The following RBM19 variants were observed in gnomAD, a reference collection of about 807,000 sequenced individuals.
The protein encoded by RBM19 is RNA binding motif protein 19, also known as probable RNA-binding protein 19.
In RBM19, 94 loss-of-function variants were observed where a neutral mutation model predicts 116.8. That is an observed-to-expected ratio of 0.80 (90% confidence interval 0.68 to 0.95). The LOEUF is 0.95. Among genes scored for constraint, RBM19 ranks in the 40% least tolerant of loss-of-function variants. The pLI, the probability that RBM19 is intolerant of heterozygous loss-of-function variation, is 0.00. For synonymous variants in RBM19, 475 were observed against 494.1 expected, an observed-to-expected ratio of 0.96 and a Z score of 0.51; for missense variants, 1,161 against 1,220.7, an observed-to-expected ratio of 0.95 and a Z score of 0.73.
At position 113,834,751 on chromosome 12, in the gene RBM19, A is replaced by G. The variant is rs546457386; in HGVS notation, c.2785+9917T>C. On this transcript the variant is annotated intron_variant, in intron 23 of 23. Transcript: ENST00000261741. ...TGCTGAGGATACAGGGTACGATGGA[A>G]CACCCAGGTATAGACATTAACTACA... Among the ~76,000 whole-genome samples the G allele has an allele frequency of 3.9e-5, 6 of 152,316 alleles. No homozygotes were observed. In the East Asian group the frequency reaches 9.7e-4, roughly 25 times the overall value.
chr12:113,863,070 G>T (rs551394232), intron 21 of RBM19, among the ~76,000 whole-genome samples: 81 of 147,428 alleles, frequency 5.5e-4, no homozygotes, highest in Non-Finnish European at 9.5e-4. Flanking sequence ...TGGGGGGAGA[G>T]AAGGGAGGAG....
chr12:113,856,411 G>A (rs1186512289), intron 22 of RBM19, among the ~76,000 whole-genome samples: 5 of 152,188 alleles, frequency 3.3e-5, no homozygotes, highest in African/African-American at 9.7e-5. Flanking sequence ...CTTAGCCAAC[G>A]GTGACATGTC....
chr12:113,891,530 T>A (rs1880962811), intron 21 of RBM19, among the ~76,000 whole-genome samples: 1 of 152,182 alleles, frequency 6.6e-6, no homozygotes, highest in Admixed American at 6.5e-5. Context: ...AAGGCAGAGC[T>A]GGAATCGTCC....
At chr12:113,879,446 T>TAC (rs1555234782) in intron 21 of RBM19, among the ~76,000 whole-genome samples, 5 of 142,260 alleles carry the variant, frequency 3.5e-5, no homozygotes, top group East Asian at 3.0e-4. Context: ...TATATATATA[T>TAC]ATATGGACTT....
chr12:113,852,206 C>T (rs1877514404), intron 22 of RBM19, among the ~76,000 whole-genome samples: 1 of 152,174 alleles, frequency 6.6e-6, no homozygotes, highest in African/African-American at 2.4e-5. Context: ...CTCTGTAGGA[C>T]TGTGCAGTCC....
intron 6 of RBM19, among the ~76,000 whole-genome samples, chr12:113,957,431 G>C (rs558689402): frequency 1.2e-4 from 19 of 152,144 alleles, no homozygotes; most frequent in Non-Finnish European, 2.2e-4. Flanking sequence ...CAAAAAATTA[G>C]CTGGGTGTGA....
At chr12:113,889,079 G>A (rs774182635) in intron 21 of RBM19, among the ~76,000 whole-genome samples, 19 of 152,096 alleles carry the variant, frequency 1.2e-4, no homozygotes, top group Non-Finnish European at 1.3e-4. Context: ...GGATGCTCCC[G>A]GCTCCTCTGC....
chr12:113,935,862 C>T (rs763561029), intron 16 of RBM19, among the ~76,000 whole-genome samples: 24 of 152,092 alleles, frequency 1.6e-4, no homozygotes, highest in Middle Eastern at 3.4e-3. Flanking sequence ...GGTGAAACCC[C>T]GTCTCTACCA....
chr12:113,836,694 T>C (rs7307193), intron 23 of RBM19, among the ~76,000 whole-genome samples: 139,159 of 151,990 alleles, frequency 0.92, 63,770 homozygotes, highest in East Asian at 0.99. Flanking sequence ...TAAGCTCCTA[T>C]TAGGTGCCAG....
At chr12:113,924,987 A>T (rs186671429) in intron 17 of RBM19, among the ~76,000 whole-genome samples, 24 of 152,288 alleles carry the variant, frequency 1.6e-4, no homozygotes, top group African/African-American at 4.6e-4. Context: ...AGGAAGTAGG[A>T]CACAGAACAG....
chr12:113,867,364 C>T (rs1305176560), intron 21 of RBM19, among the ~76,000 whole-genome samples: 1 of 152,202 alleles, frequency 6.6e-6, no homozygotes, highest in African/African-American at 2.4e-5. Flanking sequence ...CAATCATCAC[C>T]AGGCAAATAT....
intron 2 of RBM19, among the ~76,000 whole-genome samples, chr12:113,960,473 C>A (rs1157930386): frequency 6.6e-6 from 1 of 152,220 alleles, no homozygotes; most frequent in Non-Finnish European, 1.5e-5. Flanking sequence ...TACTGATACA[C>A]CGAGCCTCTC....
At chr12:113,857,860 G>A (rs1335941085) in intron 22 of RBM19, among the ~76,000 whole-genome samples, 1 of 152,228 alleles carries the variant, frequency 6.6e-6, no homozygotes, top group Non-Finnish European at 1.5e-5. Flanking sequence ...AAGCCCAATG[G>A]CTGTGACTCC....
intron 21 of RBM19, among the ~76,000 whole-genome samples, chr12:113,885,064 A>AT (rs754289513): frequency 3.3e-5 from 5 of 152,262 alleles, no homozygotes; most frequent in Non-Finnish European, 7.3e-5. Flanking sequence ...GTGATGCATA[A>AT]TTCAGGTAAG....
chr12:113,934,290 G>A (rs542918323), intron 16 of RBM19, among the ~76,000 whole-genome samples: 2 of 152,346 alleles, frequency 1.3e-5, no homozygotes, highest in South Asian at 4.1e-4. Context: ...ATCCCACCAC[G>A]CCCTCAGAGG....
chr12:113,962,373 G>T lies in RBM19; in HGVS notation c.78C>A (p.Gly26=). Residue 26 remains glycine, a synonymous_variant, in exon 2 of 24, where the codon GGC becomes GGA. Coordinates refer to ENST00000261741, the MANE Select transcript of RBM19 (RefSeq NM_016196.4). ...ACTTCAGGCTGCAGTCTGTCAGCGT[G>T]CCGAAGGCGGCAAACAGCTGCCTGA... ...ERFRQLFAAF[G]TLTDCSLKFT... 6.2e-7 allele frequency: 1 copy of T among 1,614,212 alleles called. No homozygotes were observed. The highest frequency in any genetic ancestry group is 8.5e-7 in the Non-Finnish European group (1 of 1,180,012).
intron 8 of RBM19, 116 bp downstream of exon 8, chr12:113,952,396 G>A (rs992217237): frequency 2.0e-4 from 179 of 911,128 alleles, no homozygotes; most frequent in Non-Finnish European, 2.7e-4. Flanking sequence ...CACAACTGAG[G>A]ACCACAAACA....
intron 13 of RBM19, among the ~76,000 whole-genome samples, chr12:113,943,753 G>A (rs1197712241): frequency 1.3e-5 from 2 of 152,158 alleles, no homozygotes; most frequent in Admixed American, 1.3e-4. Context: ...AACCCGAGAG[G>A]CAGAGGTTTT....
At chr12:113,943,241 C>T (rs1298709369) in intron 13 of RBM19, among the ~76,000 whole-genome samples, 2 of 152,182 alleles carry the variant, frequency 1.3e-5, no homozygotes, top group African/African-American at 2.4e-5. Flanking sequence ...TTTCCCTCAT[C>T]GGAAAGCACC....
Sources: gnomAD v4.1 joint callset for allele counts (sites outside exome capture counted in the v4.1 genomes callset) on GRCh38, gnomAD v4.1.1 for gene constraint, MANE v1.5 for transcripts, NCBI Gene and HGNC (gene_info 2026-07-23, HGNC 2026-07-21) for gene names.